Variants in GABRG1 observed in about 807,000 individuals in gnomAD.
The protein encoded by GABRG1 is gamma-aminobutyric acid type A receptor subunit gamma1.
Under a neutral mutation model 49.8 loss-of-function variants are expected in GABRG1, and 49 were observed. That is an observed-to-expected ratio of 0.98 (90% confidence interval 0.78 to 1.25). The LOEUF (loss-of-function observed/expected upper bound fraction) is 1.25, where lower values mean the gene tolerates loss of function less well. Ranked by LOEUF, GABRG1 falls within the 50% of genes most tolerant of loss-of-function variation. GABRG1 has a pLI of 0.00. For missense variants in GABRG1, 552 were observed against 552.3 expected, an observed-to-expected ratio of 1.00 and a Z score of 0.01; for synonymous variants, 232 against 185.1, an observed-to-expected ratio of 1.25 and a Z score of -2.06.
At chr4:46,088,686 C>G (rs1719867815) in intron 2 of GABRG1, among the ~76,000 whole-genome samples, 1 of 151,540 alleles carries the variant, frequency 6.6e-6, no homozygotes, top group South Asian at 2.1e-4. Flanking sequence ...TTATAAATTA[C>G]TTTTCGCACC....
chr4:46,086,360 G>T (rs747486046), intron 2 of GABRG1, among the ~76,000 whole-genome samples: 1 of 151,474 alleles, frequency 6.6e-6, no homozygotes, highest in Admixed American at 6.6e-5. Flanking sequence ...TGTAGAGGTG[G>T]GTAATTGGTA....
rs1184419314 is a variant in GABRG1 at position 46,055,016 on chromosome 4, C to T, written c.916+3201G>A. ...TAAAAACCCTAGAAGAAAACCTAGGCATTACCATTCAGGACATAGGCGTGG... is the reference window on the plus strand; with the variant it reads ...TAAAAACCCTAGAAGAAAACCTAGGTATTACCATTCAGGACATAGGCGTGG... On this transcript the variant is annotated intron_variant, in intron 7 of 8. Transcript: ENST00000295452. Among the ~76,000 whole-genome samples, 2 of 93,088 alleles carry T rather than the reference C, an allele frequency of 2.1e-5. 1 individual carries two copies. The highest frequency in any genetic ancestry group is 4.2e-5 in the Non-Finnish European group (2 of 47,564). 61.1% of individuals were successfully genotyped at this position (93,088 alleles called of 152,430 possible).
chr4:46,066,132 C>T (rs1353425689), intron 3 of GABRG1, among the ~76,000 whole-genome samples: 1 of 152,046 alleles, frequency 6.6e-6, no homozygotes, highest in Non-Finnish European at 1.5e-5. Flanking sequence ...GTGAATTTTA[C>T]TCAAGATTTT....
intron 3 of GABRG1, among the ~76,000 whole-genome samples, chr4:46,071,104 G>A (rs2101934): frequency 0.62 from 94,819 of 151,848 alleles, 31,302 homozygotes; most frequent in African/African-American, 0.84. Context: ...GATTACTTAC[G>A]TCTTTCTGGT....
chr4:46,115,348 C>T (rs1426211259), intron 1 of GABRG1, among the ~76,000 whole-genome samples: 3 of 150,456 alleles, frequency 2.0e-5, no homozygotes, highest in Non-Finnish European at 3.0e-5. Context: ...AGAATTATTC[C>T]GTAAGTTGTG....
intron 8 of GABRG1, among the ~76,000 whole-genome samples, chr4:46,049,887 A>G (rs902728015): frequency 6.6e-6 from 1 of 151,868 alleles, no homozygotes; most frequent in Non-Finnish European, 1.5e-5. Context: ...GTGGTACCTA[A>G]ATTATTTATT....
chr4:46,097,393 A>C, intron 1 of GABRG1, 44 bp from the exon 2 acceptor site: 4 of 1,553,918 alleles, frequency 2.6e-6, no homozygotes, highest in Non-Finnish European at 3.5e-6. Flanking sequence ...AGGTTCAATC[A>C]AATCATGTAT....
At chr4:46,093,463 G>A (rs2109429185) in intron 2 of GABRG1, among the ~76,000 whole-genome samples, 1 of 152,186 alleles carries the variant, frequency 6.6e-6, no homozygotes, top group Admixed American at 6.6e-5. Context: ...AGTGAGGTAG[G>A]GGAGTGGGGA....
At chr4:46,120,080 A>C (rs1317921595) in intron 1 of GABRG1, among the ~76,000 whole-genome samples, 1 of 151,702 alleles carries the variant, frequency 6.6e-6, no homozygotes, top group Non-Finnish European at 1.5e-5. Flanking sequence ...TTCTGCCTCA[A>C]GGAGTTGTCT....
chr4:46,108,579 T>A (rs949110649), intron 1 of GABRG1, among the ~76,000 whole-genome samples: 1 of 150,930 alleles, frequency 6.6e-6, no homozygotes, highest in African/African-American at 2.4e-5. Flanking sequence ...TATCCACGAG[T>A]GTGGAGTCCT....
chr4:46,065,727 T>C (rs573875731), intron 3 of GABRG1, 143 bp from the exon 4 acceptor site: 4 of 589,070 alleles, frequency 6.8e-6, no homozygotes, highest in African/African-American at 5.6e-5. Flanking sequence ...GCCATTATTT[T>C]AAACTTTTTT....
chr4:46,090,673 A>G (rs1385969011), intron 2 of GABRG1, among the ~76,000 whole-genome samples: 1 of 152,016 alleles, frequency 6.6e-6, no homozygotes, highest in Non-Finnish European at 1.5e-5. Context: ...TTTTTTAAAT[A>G]AACACACACA....
At chr4:46,122,079 G>A (rs1721102977) in intron 1 of GABRG1, among the ~76,000 whole-genome samples, 1 of 151,996 alleles carries the variant, frequency 6.6e-6, no homozygotes, top group African/African-American at 2.4e-5. Context: ...TGTGTTCAGA[G>A]AGGTTAAAGG....
chr4:46,053,434 T>C (rs1010875716), intron 7 of GABRG1, among the ~76,000 whole-genome samples: 11 of 114,026 alleles, frequency 9.6e-5, no homozygotes, highest in African/African-American at 4.2e-4. Flanking sequence ...GAAAACAGTA[T>C]GGTTGCAGAT....
chr4:46,037,897 A>G lies in GABRG1; in HGVS notation c.*3091T>C, dbSNP rs1717591658. ...CTATTCTTTTTTATGCTGAATTGGC[A>G]TGAATGCAGATTTCAATTTTATTCT... On this transcript the variant is annotated 3_prime_UTR_variant, in exon 9 of 9. Coordinates refer to ENST00000295452, the MANE Select transcript of GABRG1 (RefSeq NM_173536.4). 3 of 151,802 alleles carry G rather than the reference A, an allele frequency of 2.0e-5. No individual in the cohort carries two copies. Among genetic ancestry groups the G allele is most frequent in the Non-Finnish European group, 1.5e-5 (1 of 67,728 alleles). The allele number at this position is 151,802 out of a possible 1,614,324, so 9.4% of individuals were successfully genotyped here.
intron 3 of GABRG1, among the ~76,000 whole-genome samples, chr4:46,073,905 A>G (rs1262308866): frequency 2.0e-5 from 3 of 152,096 alleles, no homozygotes; most frequent in African/African-American, 7.2e-5. Flanking sequence ...CTATTTTTGG[A>G]TCATTGTTGA....
chr4:46,073,275 T>G (rs916036933), intron 3 of GABRG1, among the ~76,000 whole-genome samples: 2 of 152,020 alleles, frequency 1.3e-5, no homozygotes, highest in Non-Finnish European at 2.9e-5. Flanking sequence ...CTCTATCTTC[T>G]CATTTTTTCC....
At chr4:46,112,015 T>C (rs1049427858) in intron 1 of GABRG1, among the ~76,000 whole-genome samples, 1 of 151,308 alleles carries the variant, frequency 6.6e-6, no homozygotes, top group East Asian at 1.9e-4. Context: ...CTGAAGAGCT[T>C]CTGCAGAGCA....
intron 2 of GABRG1, among the ~76,000 whole-genome samples, chr4:46,089,608 A>G (rs1486477730): frequency 6.6e-6 from 1 of 152,062 alleles, no homozygotes; most frequent in Admixed American, 6.6e-5. Context: ...ATTAGGTTGA[A>G]CTATTTAAAT....
Sources: gnomAD v4.1 joint callset for allele counts (sites outside exome capture counted in the v4.1 genomes callset) on GRCh38, gnomAD v4.1.1 for gene constraint, MANE v1.5 for transcripts, NCBI Gene and HGNC (gene_info 2026-07-23, HGNC 2026-07-21) for gene names.